The following CCDC175 variants were observed in gnomAD, a reference collection of about 807,000 sequenced individuals.
The protein encoded by CCDC175 is coiled-coil domain-containing protein 175.
A neutral mutation model predicts 114.6 loss-of-function variants in CCDC175; 100 were observed. The ratio of observed to expected loss-of-function variants is 0.87; its 90% CI spans 0.74 to 1.03. The LOEUF is 1.03. Among genes scored for constraint, CCDC175 ranks in the 50% least tolerant of loss-of-function variants. CCDC175 has a pLI of 0.00. For missense variants in CCDC175, 880 were observed against 917.8 expected (o/e 0.96, Z 0.53); for synonymous variants, 306 against 308.7 (o/e 0.99, Z 0.09).
chr14:59,513,116 T>C (rs1248045100), intron 17 of CCDC175, among the ~76,000 whole-genome samples: 2 of 152,178 alleles, frequency 1.3e-5, no homozygotes, highest in Non-Finnish European at 2.9e-5. Context: ...AACAACTGGA[T>C]GTGTGTAAGA....
In CCDC175 at chr14:59,543,409, C is replaced by A; in HGVS notation, c.1218G>T (p.Leu406=). The change falls in exon 10 of 20, where the codon CTG becomes CTT. Residue 406 remains leucine, a synonymous_variant. Transcript: ENST00000537690. ...TTTTGATGTCTACTCTCTTTTGTGA[C>A]AGAAAGTATTCTTTCTGAGAAATAA... is the stretch of plus-strand genomic sequence containing the variant. ...LTFISQKEYF[L]SQKRVDIKNM... 1.4e-6 allele frequency: 2 copies of A among 1,476,968 alleles called. No homozygotes were observed. The highest frequency in any genetic ancestry group is 1.8e-6 in the Non-Finnish European group (2 of 1,109,296). The allele number at this position is 1,476,968 out of a possible 1,614,324, so 91.5% of individuals were successfully genotyped here.
intron 19 of CCDC175, among the ~76,000 whole-genome samples, chr14:59,507,347 C>T (rs550022511): frequency 6.6e-6 from 1 of 152,218 alleles, no homozygotes; most frequent in Non-Finnish European, 1.5e-5. Flanking sequence ...TTCATCAGCT[C>T]TTCAATTGTC....
chr14:59,530,900 G>A (rs1235213976), intron 14 of CCDC175, among the ~76,000 whole-genome samples: 2 of 151,946 alleles, frequency 1.3e-5, no homozygotes, highest in African/African-American at 4.8e-5. Context: ...TCATCATCTA[G>A]AAGATACAAA....
intron 1 of CCDC175, among the ~76,000 whole-genome samples, chr14:59,575,505 C>CTTTT (rs58872671): frequency 3.0e-5 from 3 of 98,414 alleles, no homozygotes; most frequent in Non-Finnish European, 4.0e-5. Flanking sequence ...GGTAACATTC[C>CTTTT]TTTTTTTTTT....
Position 59,540,736 on chromosome 14 carries a change from T to C in CCDC175, c.1294A>G (p.Thr432Ala). The change falls in exon 11 of 20, where the codon ACA (threonine) becomes GCA (alanine). Residue 432 changes from threonine to alanine, a missense_variant. Transcript: ENST00000537690. ...ATTTTGATTTGTTGCTGATACACTG[T>C]TTTTGTTGCTCTAAAAAGAAAAACA... Reference protein sequence around the residue: ...TLQELQQATKTVYQQQIKILS... With the variant: ...TLQELQQATKAVYQQQIKILS... 2 of 1,531,060 alleles carry C rather than the reference T, an allele frequency of 1.3e-6. No individual in the cohort carries two copies. The highest frequency in any genetic ancestry group is 1.7e-6 in the Non-Finnish European group (2 of 1,144,246). The allele number at this position is 1,531,060 out of a possible 1,614,324, so 94.8% of individuals were successfully genotyped here. A position where few individuals can be genotyped will look rare whatever the true frequency, so the allele number is the denominator to read the frequency against.
chr14:59,565,166 T>C lies in CCDC175; in HGVS notation c.601A>G (p.Lys201Glu). 1 of 1,537,918 alleles carries C rather than the reference T, an allele frequency of 6.5e-7. No homozygotes were observed. The highest frequency in any genetic ancestry group is 8.7e-7 in the Non-Finnish European group (1 of 1,147,062). ...TTVYINETYT[K>E]INLKREDIAL... ...ATGTCTTCTCTCTTCAAGTTTATTT[T>C]GGTATAAGTCTCATTTATGTAAACA... Residue 201 changes from lysine to glutamate, a missense_variant, in exon 5 of 20, where the codon AAA (lysine) becomes GAA (glutamate). Physicochemically the swap from Lys to Glu is moderately conservative, Grantham distance 56 (BLOSUM62 1). Transcript: ENST00000537690.
intron 15 of CCDC175, among the ~76,000 whole-genome samples, chr14:59,525,692 T>C (rs1448775573): frequency 6.6e-6 from 1 of 152,190 alleles, no homozygotes; most frequent in Non-Finnish European, 1.5e-5. Context: ...GTCAGCCCTC[T>C]GTATCCGTGG....
intron 8 of CCDC175, 65 bp downstream of exon 8, chr14:59,551,290 T>G: frequency 1.3e-6 from 1 of 743,816 alleles, no homozygotes; most frequent in South Asian, 2.4e-5. Flanking sequence ...TTCTCACATA[T>G]TTTAAACATT....
chr14:59,527,528 T>C (rs145147398), intron 14 of CCDC175, among the ~76,000 whole-genome samples: 3 of 152,160 alleles, frequency 2.0e-5, no homozygotes, highest in Admixed American at 2.0e-4. Context: ...TATAAAGTTA[T>C]AGTTTTTGTT....
In CCDC175 at chr14:59,545,234, A is replaced by C. The variant is rs1466995242; in HGVS notation, c.1101T>G (p.Leu367=). 2.0e-6 allele frequency: 3 copies of C among 1,536,898 alleles called. No individual in the cohort carries two copies. The highest frequency in any genetic ancestry group is 2.6e-6 in the Non-Finnish European group (3 of 1,146,690). Residue 367 remains leucine, a synonymous_variant, in exon 9 of 20, where the codon CTT becomes CTG. Transcript: ENST00000537690. ...TTAAAACAATCTTATATTGTCTGGC[A>C]AGAGTTTTCATTTTCTCTCGTAGGT... The part of the protein sequence containing the change: ...YKDLREKMKT[L]ARQYKIVLSE...
intron 16 of CCDC175, among the ~76,000 whole-genome samples, chr14:59,524,041 A>T (rs998148331): frequency 1.1e-4 from 17 of 152,146 alleles, no homozygotes; most frequent in Admixed American, 1.1e-3. Context: ...AGTAGCAGTT[A>T]TTCCCATTTT....
chr14:59,520,353 A>G (rs1438619041), intron 17 of CCDC175, among the ~76,000 whole-genome samples: 2 of 152,218 alleles, frequency 1.3e-5, no homozygotes, highest in African/African-American at 4.8e-5. Flanking sequence ...ACTCTTCTCC[A>G]TTGTTAGTGG....
chr14:59,525,451 C>T lies in CCDC175; in HGVS notation c.1843-17G>A, dbSNP rs1893686921. 1.3e-6 allele frequency: 2 copies of T among 1,509,414 alleles called. No individual in the cohort carries two copies. The highest frequency in any genetic ancestry group is 2.3e-5 in the Admixed American group (1 of 43,238). 93.5% of individuals were successfully genotyped at this position (1,509,414 alleles called of 1,614,324 possible). On this transcript the variant is annotated splice_polypyrimidine_tract_variant and intron_variant, in intron 15 of 19. Transcript: ENST00000537690. ...TACATCTTCCTGCTCAAACAGAAAA[C>T]CCCAAATTATCTCTGAGTTCAAACA...
chr14:59,528,148 T>G (rs1414658344), intron 14 of CCDC175, among the ~76,000 whole-genome samples: 3 of 152,106 alleles, frequency 2.0e-5, no homozygotes, highest in Non-Finnish European at 1.5e-5. Flanking sequence ...GGAAATTATT[T>G]TCTCTCAAAT....
rs188300868 is a variant in CCDC175, at chr14:59,553,413, A to G, written c.954-1977T>C. Among the ~76,000 whole-genome samples the G allele has an allele frequency of 6.3e-3, 957 of 152,288 alleles. 9 individuals carry two copies. The highest frequency in any genetic ancestry group is 0.022 in the African/African-American group (901 of 41,564). On this transcript the variant is annotated intron_variant, in intron 7 of 19. Coordinates refer to ENST00000537690, the MANE Select transcript of CCDC175 (RefSeq NM_001164399.2). ...AAAATCCTTTACAGACAAGCAAATG[A>G]TGAGAGATTTTGTCACCACCAGGCC... is the stretch of plus-strand genomic sequence containing the variant.
chr14:59,531,264 T>C (rs1417128206), intron 14 of CCDC175, among the ~76,000 whole-genome samples: 1 of 152,166 alleles, frequency 6.6e-6, no homozygotes, highest in Non-Finnish European at 1.5e-5. Context: ...ATTTAAAATA[T>C]GCATACTTTC....
rs543313384 is a variant in CCDC175, at chr14:59,534,629, T to G, written c.1624-2719A>C. Among the ~76,000 whole-genome samples, 3 of 152,314 alleles carry G rather than the reference T, an allele frequency of 2.0e-5. No individual in the cohort carries two copies. In the South Asian group the frequency reaches 6.2e-4, roughly 32 times the overall value. On this transcript the variant is annotated intron_variant, in intron 13 of 19. Coordinates refer to ENST00000537690, the MANE Select transcript of CCDC175 (RefSeq NM_001164399.2). ...GGCAGCTCTGCTTCTCTGATCAAAT[T>G]CTGCCATATACGGGGCTGTAGGACC...
chr14:59,548,292 T>G (rs1017261782), intron 8 of CCDC175, among the ~76,000 whole-genome samples: 2 of 152,056 alleles, frequency 1.3e-5, no homozygotes, highest in African/African-American at 4.8e-5. Flanking sequence ...TGCCAAGGGC[T>G]GGTGAGGGAG....
chr14:59,574,154 T>C (rs1284947513), intron 2 of CCDC175, among the ~76,000 whole-genome samples: 2 of 152,184 alleles, frequency 1.3e-5, no homozygotes, highest in Admixed American at 6.5e-5. Context: ...GTAGTATAGA[T>C]ATATATATGT....
Sources: allele counts gnomAD v4.1 joint callset (sites outside exome capture counted in the v4.1 genomes callset), GRCh38; gene constraint gnomAD v4.1.1; transcripts MANE v1.5; gene names NCBI Gene and HGNC (gene_info 2026-07-23, HGNC 2026-07-21).